AGL: variants seen among roughly 807,000 people sequenced by gnomAD.
AGL encodes the protein glycogen debranching enzyme.
In AGL, 128 loss-of-function variants were observed where a neutral mutation model predicts 199.3. That is an observed-to-expected ratio of 0.64 (90% CI 0.56 to 0.74). AGL has a LOEUF of 0.74. AGL is among the 30% of genes least tolerant of loss of function. AGL has a pLI of 0.00. For synonymous variants in AGL, 584 were observed against 594.7 expected (o/e 0.98, Z 0.26); for missense variants, 1,809 against 1,820.8 (o/e 0.99, Z 0.12).
chr1:99,886,763 GT>G (rs1339343117), intron 20 of AGL, among the ~76,000 whole-genome samples: 1 of 152,080 alleles, frequency 6.6e-6, no homozygotes, highest in East Asian at 1.9e-4. Context: ...GGCTTTCTTT[GT>G]TGTTTTGTAA....
At position 99,859,966 on chromosome 1, in the gene AGL, A is replaced by T. The variant is rs6685484; in HGVS notation, c.83-1537A>T. ...GTTGTTGTCAGTTTATTTCATTTCA[A>T]TAAATGAGGCTGTGATAAATATCCT... On this transcript the variant is annotated intron_variant, in intron 2 of 33. Coordinates refer to ENST00000361915, the MANE Select transcript of AGL (RefSeq NM_000642.3). Among the ~76,000 whole-genome samples, 359 of 152,354 alleles carry T rather than the reference A, an allele frequency of 2.4e-3. 4 individuals carry two copies. The highest frequency in any genetic ancestry group is 8.4e-3 in the African/African-American group (349 of 41,582).
intron 27 of AGL, among the ~76,000 whole-genome samples, chr1:99,905,172 C>T (rs1314351267): frequency 6.6e-6 from 1 of 151,460 alleles, no homozygotes; most frequent in African/African-American, 2.4e-5. Context: ...GTTCAGATAG[C>T]TTCATAGACC....
chr1:99,899,542 T>TC (rs1557778884), intron 25 of AGL, among the ~76,000 whole-genome samples: 1 of 75,674 alleles, frequency 1.3e-5, no homozygotes, highest in East Asian at 3.9e-4. Flanking sequence ...CTCTCTCTCT[T>TC]TCTCTCTCTC....
chr1:99,893,087 C>G (rs1489102692), intron 24 of AGL, among the ~76,000 whole-genome samples: 1 of 152,052 alleles, frequency 6.6e-6, no homozygotes, highest in African/African-American at 2.4e-5. Context: ...AGATTTAAAA[C>G]CTGAATCAAG....
At chr1:99,887,857 G>T in intron 20 of AGL, 121 bp from the exon 21 acceptor site, 1 of 1,082,918 alleles carries the variant, frequency 9.2e-7, no homozygotes, top group Admixed American at 1.9e-5. Context: ...TTTGAATGCT[G>T]AGTTCCTAAA....
intron 2 of AGL, among the ~76,000 whole-genome samples, chr1:99,851,464 T>C (rs1453417451): frequency 6.6e-6 from 1 of 152,232 alleles, no homozygotes; most frequent in South Asian, 2.1e-4. Flanking sequence ...TTACTTCATA[T>C]GTAATTTTGC....
chr1:99,914,674 T>G (rs1207295408), intron 30 of AGL, among the ~76,000 whole-genome samples: 1 of 152,192 alleles, frequency 6.6e-6, no homozygotes, highest in East Asian at 1.9e-4. Flanking sequence ...ACTCATGCTA[T>G]TGGAGTAAAA....
At chr1:99,877,545 G>T in intron 11 of AGL, 96 bp from the exon 12 acceptor site, 1 of 1,129,914 alleles carries the variant, frequency 8.9e-7, no homozygotes, top group Non-Finnish European at 1.3e-6. Flanking sequence ...ATTTATGGCA[G>T]AAATGATCAA....
Position 99,881,212 on chromosome 1 carries a change from G to C in AGL, c.2001+35G>C, listed in dbSNP as rs757990957. The C allele has an allele frequency of 2.5e-6, 4 of 1,611,848 alleles. No individual in the cohort carries two copies. The African/African-American group carries it at 5.3e-5, about 22-fold the overall frequency. ...TATGTTGTTTCTTAAAACCTACATGGCCAACAACTTTGGGCATTTTTATTA... is the reference window on the plus strand; with the variant it reads ...TATGTTGTTTCTTAAAACCTACATGCCCAACAACTTTGGGCATTTTTATTA... On this transcript the variant is annotated intron_variant, in intron 15 of 33. Transcript: ENST00000361915.
intron 20 of AGL, among the ~76,000 whole-genome samples, chr1:99,886,947 T>C (rs1404555941): frequency 6.6e-6 from 1 of 152,176 alleles, no homozygotes; most frequent in Non-Finnish European, 1.5e-5. Flanking sequence ...GGCCAAGAAA[T>C]TTGCAGTTTT....
chr1:99,904,305 A>G (rs1654082874), intron 27 of AGL, among the ~76,000 whole-genome samples: 1 of 152,006 alleles, frequency 6.6e-6, no homozygotes. Context: ...TAAAACATGC[A>G]TTGTTTTATG....
chr1:99,920,058 A>T (rs565343670), intron 33 of AGL, among the ~76,000 whole-genome samples: 1 of 152,234 alleles, frequency 6.6e-6, no homozygotes, highest in South Asian at 2.1e-4. Flanking sequence ...GTATGGATAC[A>T]TTCCATGTCC....
At chr1:99,906,959 A>G (rs912753954) in intron 27 of AGL, among the ~76,000 whole-genome samples, 2 of 152,174 alleles carry the variant, frequency 1.3e-5, no homozygotes, top group Non-Finnish European at 2.9e-5. Flanking sequence ...TATTCTCCAT[A>G]ATGGCTGCAA....
chr1:99,876,338 T>G (rs1651528081), intron 10 of AGL, 120 bp from the exon 11 acceptor site: 1 of 788,956 alleles, frequency 1.3e-6, no homozygotes, highest in Non-Finnish European at 2.0e-6. Context: ...TTCCTATAAA[T>G]AGCATCAAAC....
Position 99,912,411 on chromosome 1 carries a change from G to T in AGL, c.3843G>T (p.Gly1281=). ...NRGIPATPRD[G]SAVEIVGLSK... Reference sequence around the variant, plus strand: ...ATACGTTTTTTAATTTTAGAGATGGGTCTGCTGTGGAAATTGTGGGCCTGA... The same window carrying T: ...ATACGTTTTTTAATTTTAGAGATGGTTCTGCTGTGGAAATTGTGGGCCTGA... The change falls in exon 29 of 34, where the codon GGG becomes GGT. Residue 1281 remains glycine, a synonymous_variant. Coordinates refer to ENST00000361915, the MANE Select transcript of AGL (RefSeq NM_000642.3). The T allele has an allele frequency of 1.2e-6, 2 of 1,613,666 alleles. No homozygotes were observed. Among genetic ancestry groups the T allele is most frequent in the Non-Finnish European group, 1.7e-6 (2 of 1,179,686 alleles).
chr1:99,864,734 C>A, intron 5 of AGL, 145 bp downstream of exon 5: 2 of 707,368 alleles, frequency 2.8e-6, no homozygotes, highest in Non-Finnish European at 4.7e-6. Context: ...GATTAGGTGT[C>A]CTTCTGTTTA....
chr1:99,886,709 T>C (rs1652481095), intron 20 of AGL, among the ~76,000 whole-genome samples: 1 of 152,260 alleles, frequency 6.6e-6, no homozygotes, highest in Non-Finnish European at 1.5e-5. Flanking sequence ...TATTTATTTG[T>C]TGAAGTGTTG....
chr1:99,893,731 C>G (rs987261147), intron 24 of AGL, among the ~76,000 whole-genome samples: 1 of 152,110 alleles, frequency 6.6e-6, no homozygotes, highest in African/African-American at 2.4e-5. Flanking sequence ...AGTTGATAAA[C>G]AAATACAAAT....
At chr1:99,875,133 G>T (rs569047343) in intron 8 of AGL, 21 bp from the exon 9 acceptor site, 1 of 1,592,888 alleles carries the variant, frequency 6.3e-7, no homozygotes, top group East Asian at 2.2e-5. Flanking sequence ...TATTATATCT[G>T]CATTTCTCCA....
Sources: gnomAD v4.1 joint callset for allele counts (sites outside exome capture counted in the v4.1 genomes callset) on GRCh38, gnomAD v4.1.1 for gene constraint, MANE v1.5 for transcripts, NCBI Gene and HGNC (gene_info 2026-07-23, HGNC 2026-07-21) for gene names.